The following FAM135A variants were observed in gnomAD, a reference collection of about 807,000 sequenced individuals.
FAM135A encodes family with sequence similarity 135 member A.
A neutral mutation model predicts 146.8 loss-of-function variants in FAM135A; 79 were observed. The observed-to-expected ratio is 0.54, with a 90% CI of 0.45 to 0.65. The LOEUF is 0.65. Among genes scored for constraint, FAM135A ranks in the 30% least tolerant of loss-of-function variants. The pLI is 0.00. For synonymous variants in FAM135A, 562 were observed against 603.6 expected, an observed-to-expected ratio of 0.93 and a Z score of 1.01; for missense variants, 1,623 against 1,758.2, an observed-to-expected ratio of 0.92 and a Z score of 1.38.
chr6:70,548,864 C>T (rs1799310624), intron 20 of FAM135A, among the ~76,000 whole-genome samples: 2 of 151,480 alleles, frequency 1.3e-5, no homozygotes, highest in African/African-American at 4.9e-5. Flanking sequence ...TAATACATAA[C>T]AACCCAAAAG....
intron 20 of FAM135A, among the ~76,000 whole-genome samples, chr6:70,554,719 C>T (rs1203284605): frequency 1.3e-5 from 2 of 152,134 alleles, no homozygotes; most frequent in South Asian, 2.1e-4. Flanking sequence ...CCTCCGCCTC[C>T]TGGGTTCAAG....
rs375235329 is a variant in FAM135A at position 70,525,614 on chromosome 6, C to T, written c.2530C>T (p.Pro844Ser). 2.5e-6 allele frequency: 4 copies of T among 1,613,522 alleles called. No homozygotes were observed. The highest frequency in any genetic ancestry group is 3.4e-6 in the Non-Finnish European group (4 of 1,179,654). ...ATCTTTGACATCCATAAACTCTCTA[C>T]CCTCCGATGATGAACTGTCACCTGA... The part of the protein sequence containing the change: ...QSSLTSINSL[P>S]SDDELSPDEN... The change falls in exon 15 of 22, where the codon CCC (proline) becomes TCC (serine). Residue 844 changes from proline to serine, a missense_variant. Pro to Ser is a moderately conservative substitution (Grantham distance 74). Around this residue, in one of 7 missense-constraint regions of FAM135A, gnomAD observed 1,061 missense variants for 1,113.8 expected, o/e 0.95. Coordinates refer to ENST00000418814, the MANE Select transcript of FAM135A (RefSeq NM_001162529.3).
chr6:70,439,026 G>T lies in FAM135A; in HGVS notation c.77+10607G>T, dbSNP rs113260477. Among the ~76,000 whole-genome samples, 640 of 152,258 alleles carry T rather than the reference G, an allele frequency of 4.2e-3. 3 individuals carry two copies. The highest frequency in any genetic ancestry group is 0.015 in the African/African-American group (604 of 41,544). On this transcript the variant is annotated intron_variant, in intron 4 of 21. Transcript: ENST00000418814. ...AATTACAAAAACAAACAAACAGCTA[G>T]CTGGACATGGTGGTGCTTGCCTGTA...
intron 5 of FAM135A, among the ~76,000 whole-genome samples, chr6:70,465,660 G>A (rs1780317795): frequency 6.6e-6 from 1 of 152,078 alleles, no homozygotes; most frequent in Non-Finnish European, 1.5e-5. Context: ...GATAACAGGC[G>A]TGAGCCACAC....
intron 4 of FAM135A, among the ~76,000 whole-genome samples, chr6:70,433,393 T>C (rs1370261102): frequency 1.3e-5 from 2 of 152,044 alleles, no homozygotes; most frequent in Non-Finnish European, 2.9e-5. Context: ...CTTTTTAACA[T>C]GAAAGGAGGC....
chr6:70,459,800 C>T (rs755963914), intron 5 of FAM135A, among the ~76,000 whole-genome samples: 2 of 152,054 alleles, frequency 1.3e-5, no homozygotes, highest in African/African-American at 2.4e-5. Context: ...GAGGCTGAAG[C>T]GGGCAGATTA....
At chr6:70,480,751 A>G in intron 8 of FAM135A, 150 bp from the exon 9 acceptor site, 1 of 587,450 alleles carries the variant, frequency 1.7e-6, no homozygotes, top group East Asian at 3.5e-5. Context: ...TATTCAAATT[A>G]TTTTTTAAAA....
At position 70,506,392 on chromosome 6, in the gene FAM135A, C is replaced by T. The variant is rs964866707; in HGVS notation, c.1029+3601C>T. ...TTTCTGTTAAGGACCAAATGGTAAA[C>T]ATTTTGGACTTTGGGAGCCACACAT... On this transcript the variant is annotated intron_variant, in intron 12 of 21. Coordinates refer to ENST00000418814, the MANE Select transcript of FAM135A (RefSeq NM_001162529.3). Among the ~76,000 whole-genome samples, 7 of 152,200 alleles carry T rather than the reference C, an allele frequency of 4.6e-5. No individual in the cohort carries two copies. In the East Asian group the frequency reaches 1.4e-3, roughly 29 times the overall value.
intron 2 of FAM135A, among the ~76,000 whole-genome samples, chr6:70,425,101 ATATT>A (rs1332334817): frequency 6.7e-6 from 1 of 148,620 alleles, no homozygotes; most frequent in African/African-American, 2.4e-5. Context: ...TATCTAATAT[ATATT>A]TATATATATA....
intron 3 of FAM135A, 28 bp from the exon 4 acceptor site, chr6:70,428,276 C>T: frequency 5.3e-6 from 6 of 1,135,576 alleles, no homozygotes; most frequent in Non-Finnish European, 7.5e-6. Flanking sequence ...TTACGCTTCT[C>T]ATGATTTTTT....
rs755009467 is a variant in FAM135A, at chr6:70,533,255, C to T, written c.3867+4C>T. On this transcript the variant is annotated splice_donor_region_variant and intron_variant, in intron 17 of 21. Transcript: ENST00000418814. The stretch of plus-strand genomic sequence containing the variant: ...TCTTATGTCTGAGAGAAATCAGGTA[C>T]AATATGACAGTGTTTTCAGTGAAAA... 2 of 1,606,490 alleles carry T rather than the reference C, an allele frequency of 1.2e-6. No individual in the cohort carries two copies. The highest frequency in any genetic ancestry group is 1.7e-6 in the Non-Finnish European group (2 of 1,175,562).
intron 4 of FAM135A, among the ~76,000 whole-genome samples, chr6:70,441,406 TTG>T (rs1316952585): frequency 6.6e-6 from 1 of 151,902 alleles, no homozygotes; most frequent in African/African-American, 2.4e-5. Context: ...AAAAAAAACA[TTG>T]TGTCACTATC....
chr6:70,459,959 A>C (rs892302416), intron 5 of FAM135A, among the ~76,000 whole-genome samples: 4 of 152,158 alleles, frequency 2.6e-5, no homozygotes, highest in African/African-American at 9.7e-5. Flanking sequence ...TGAACCTGGG[A>C]GGTGGAGGTT....
intron 21 of FAM135A, chr6:70,557,334 A>G (rs142291513): frequency 1.8e-5 from 3 of 167,964 alleles, no homozygotes; most frequent in African/African-American, 7.1e-5. Context: ...CTGTTTACTC[A>G]TTTTATAACT....
At chr6:70,482,541 A>T (rs1469873618) in intron 10 of FAM135A, among the ~76,000 whole-genome samples, 1 of 152,124 alleles carries the variant, frequency 6.6e-6, no homozygotes, top group Non-Finnish European at 1.5e-5. Flanking sequence ...TACTTAGGGC[A>T]TTTTTGTTTA....
chr6:70,449,543 G>A (rs1259724867), intron 4 of FAM135A, among the ~76,000 whole-genome samples: 1 of 152,010 alleles, frequency 6.6e-6, no homozygotes, highest in Non-Finnish European at 1.5e-5. Flanking sequence ...TTTGCATAAT[G>A]CCCTCTAGGT....
chr6:70,544,023 A>G (rs1798398491), intron 20 of FAM135A, among the ~76,000 whole-genome samples: 1 of 152,224 alleles, frequency 6.6e-6, no homozygotes, highest in Admixed American at 6.5e-5. Flanking sequence ...CAATGAGAAT[A>G]GTAGTATCTC....
At chr6:70,514,934 A>G (rs1456378917) in intron 12 of FAM135A, among the ~76,000 whole-genome samples, 1 of 152,226 alleles carries the variant, frequency 6.6e-6, no homozygotes, top group Non-Finnish European at 1.5e-5. Flanking sequence ...AATGTGCCTC[A>G]GTAGAAACTA....
chr6:70,519,344 C>T (rs1053167787), intron 12 of FAM135A, among the ~76,000 whole-genome samples: 2 of 152,184 alleles, frequency 1.3e-5, no homozygotes, highest in Non-Finnish European at 2.9e-5. Flanking sequence ...GAGATAGACT[C>T]TACTCCTGGT....
Sources: allele counts gnomAD v4.1 joint callset (sites outside exome capture counted in the v4.1 genomes callset), GRCh38; gene constraint gnomAD v4.1.1; regional missense constraint gnomAD v4.1.1; transcripts MANE v1.5; gene names NCBI Gene and HGNC (gene_info 2026-07-23, HGNC 2026-07-21).